Variants in DGKA observed in about 807,000 individuals in gnomAD.
DGKA encodes the protein 80 kDa diacylglycerol kinase.
A neutral mutation model predicts 105.0 loss-of-function variants in DGKA; 35 were observed. That is an observed-to-expected ratio of 0.33 (90% confidence interval 0.25 to 0.44). The LOEUF (loss-of-function observed/expected upper bound fraction) is 0.44. Among genes scored for constraint, DGKA ranks in the 20% least tolerant of loss-of-function variants. The pLI is 1.00. For synonymous variants in DGKA, 296 were observed against 332.0 expected (o/e 0.89, Z 1.18); for missense variants, 665 against 915.0 (o/e 0.73, Z 3.53).
chr12:55,938,283 G>A (rs1185108789), intron 5 of DGKA: 2 of 681,804 alleles, frequency 2.9e-6, no homozygotes, highest in Admixed American at 5.7e-5. Flanking sequence ...AGGCGGCCTA[G>A]GATGTCCTTG....
chr12:55,927,916 G>C, upstream of DGKA: 1 of 920,656 alleles, frequency 1.1e-6, no homozygotes, highest in Non-Finnish European at 1.6e-6. Context: ...CTGGGCCCTA[G>C]GGTCAGAGGG....
upstream of DGKA, among the ~76,000 whole-genome samples, chr12:55,928,837 A>G (rs982266199): frequency 6.6e-6 from 1 of 151,740 alleles, no homozygotes; most frequent in African/African-American, 2.4e-5. Context: ...CCAATTCAGA[A>G]TGTCTGGGGG....
intron 14 of DGKA, 69 bp from the exon 15 acceptor site, chr12:55,941,441 A>C: frequency 6.3e-7 from 1 of 1,587,098 alleles, no homozygotes; most frequent in Non-Finnish European, 8.6e-7. Context: ...ACACACAAAG[A>C]GGGTGAGGTT....
intron 5 of DGKA, 65 bp downstream of exon 5, chr12:55,938,117 C>T (rs1885142673): frequency 7.1e-7 from 1 of 1,413,750 alleles, no homozygotes; most frequent in Non-Finnish European, 9.9e-7. Flanking sequence ...TTCCCATCCT[C>T]CTTTCCCTTA....
rs1431984281 is a variant in DGKA at position 55,931,264 on chromosome 12, C to T, written c.-162C>T. The T allele has an allele frequency of 1.3e-5, 2 of 152,136 alleles. No individual in the cohort carries two copies. The highest frequency in any genetic ancestry group is 2.9e-5 in the Non-Finnish European group (2 of 68,060). The allele number at this position is 152,136 out of a possible 1,614,324, so 9.4% of individuals were successfully genotyped here. A position where few individuals can be genotyped will look rare whatever the true frequency, so the allele number is the denominator to read the frequency against. On this transcript the variant is annotated 5_prime_UTR_variant, in exon 1 of 24. Coordinates refer to ENST00000331886, the MANE Select transcript of DGKA (RefSeq NM_001345.5). The stretch of plus-strand genomic sequence containing the variant: ...AGAGCCTTAATGACTCTAGAAGAGA[C>T]TCCAGGCAGGGGAAGCTGAAAGGAC...
intron 7 of DGKA, 26 bp downstream of exon 7, chr12:55,939,015 CT>C: frequency 6.2e-7 from 1 of 1,613,850 alleles, no homozygotes; most frequent in Non-Finnish European, 8.5e-7. Context: ...CTTCATGTCC[CT>C]TCTTGTACCT....
At chr12:55,950,036 G>C (rs545126388) in intron 17 of DGKA, among the ~76,000 whole-genome samples, 1 of 151,360 alleles carries the variant, frequency 6.6e-6, no homozygotes, top group African/African-American at 2.4e-5. Context: ...GTGCAGTGGC[G>C]CAATCTCAGC....
rs769769812 is a variant in DGKA, at chr12:55,951,731, A to C, written c.1535A>C (p.Lys512Thr). 1.9e-5 allele frequency: 31 copies of C among 1,614,060 alleles called. No individual in the cohort carries two copies. Among genetic ancestry groups the C allele is most frequent in the Non-Finnish European group, 2.6e-5 (31 of 1,180,016 alleles). Residue 512 changes from lysine to threonine, a missense_variant, in exon 18 of 24, where the codon AAA becomes ACA. Physicochemically the swap from Lys to Thr is moderately conservative, Grantham distance 78 (BLOSUM62 -1). Transcript: ENST00000331886. ...VEVIPQQTEE[K>T]SDPVPFQIIN... ...GTGATACCTCAACAAACTGAAGAAA[A>C]AAGTGACCCAGTCCCCTTTCAAATC... is the stretch of plus-strand genomic sequence containing the variant.
chr12:55,936,422 G>T lies in DGKA; in HGVS notation c.-81-1G>T. 1 of 1,559,794 alleles carries T rather than the reference G, an allele frequency of 6.4e-7. No homozygotes were observed. Among genetic ancestry groups the T allele is most frequent in the Non-Finnish European group, 8.7e-7 (1 of 1,151,852 alleles). On this transcript the variant is annotated splice_acceptor_variant, in intron 1 of 23. Transcript: ENST00000331886. LOFTEE classifies it low-confidence loss of function (5UTR_SPLICE). The stretch of plus-strand genomic sequence containing the variant: ...CTGTACGCTCTGTCACCTTTCCCCA[G>T]GCCTACCCTCTGAAGAGGTCCAAGC...
In DGKA at chr12:55,952,416, G is replaced by C. The variant is rs1200165373; in HGVS notation, c.1728G>C (p.Glu576Asp). ...SIFSTCKKLE[E>D]SLTVEICGKP... ...TCTCAACATGCAAAAAGCTGGAGGA[G>C]TCTTTGACAGTTGAGGTGTGTGTAA... is the stretch of plus-strand genomic sequence containing the variant. Residue 576 changes from glutamate (E) to aspartate (D), a missense_variant, in exon 20 of 24, where the codon GAG becomes GAC. Physicochemically the swap from Glu to Asp is conservative, Grantham distance 45. Transcript: ENST00000331886. This position sits in a 1 kb window ranked among gnomAD's most constrained non-coding sequence, Gnocchi z 5.1. 1.9e-6 allele frequency: 3 copies of C among 1,614,016 alleles called. No individual in the cohort carries two copies. The African/African-American group carries it at 4.0e-5, about 22-fold the overall frequency.
At position 55,932,369 on chromosome 12, in the gene DGKA, G is replaced by A. The variant is rs1000276219; in HGVS notation, c.-82+1025G>A. The A allele has an allele frequency of 1.7e-6, 1 of 595,998 alleles. No individual in the cohort carries two copies. Among genetic ancestry groups the A allele is most frequent in the Non-Finnish European group, 3.0e-6 (1 of 331,758 alleles). The allele number at this position is 595,998 out of a possible 1,614,324, so 36.9% of individuals were successfully genotyped here. On this transcript the variant is annotated intron_variant, in intron 1 of 23. Transcript: ENST00000331886. This position sits in a 1 kb window ranked among gnomAD's most constrained non-coding sequence, Gnocchi z 4.3. Reference sequence around the variant, plus strand: ...TCCATCCCTCCCGCTCATTCGGAGGGATGGTGAAGCCCGGTTCCTGGGACC... The same window carrying A: ...TCCATCCCTCCCGCTCATTCGGAGGAATGGTGAAGCCCGGTTCCTGGGACC...
In DGKA at chr12:55,938,007, T is replaced by C. The variant is rs979054726; in HGVS notation, c.304T>C (p.Tyr102His). The C allele has an allele frequency of 3.1e-6, 5 of 1,614,242 alleles. No individual in the cohort carries two copies. The highest frequency in any genetic ancestry group is 4.2e-6 in the Non-Finnish European group (5 of 1,180,042). ...GGTGTGTCTCAATGATGTTTCCTGC[T>C]ACTTTTCCCTTCTGGAGGGTGGTCG... ...DVVCLNDVSC[Y>H]FSLLEGGRPE... Residue 102 changes from tyrosine (Y) to histidine (H), a missense_variant, in exon 5 of 24, where the codon TAC (tyrosine) becomes CAC (histidine). Physicochemically the swap from Tyr to His is moderately conservative, Grantham distance 83. Coordinates refer to ENST00000331886, the MANE Select transcript of DGKA (RefSeq NM_001345.5).
chr12:55,936,103 T>C (rs1565732239), intron 1 of DGKA: 1 of 907,506 alleles, frequency 1.1e-6, no homozygotes, highest in Non-Finnish European at 1.4e-6. Context: ...CAGAAACATA[T>C]ATAGACTGAG....
rs1399144906 is a variant in DGKA, at chr12:55,953,977, C to G, written c.*209C>G. The G allele has an allele frequency of 4.7e-6, 3 of 633,800 alleles. No individual in the cohort carries two copies. The highest frequency in any genetic ancestry group is 8.1e-6 in the Non-Finnish European group (3 of 370,342). 39.3% of individuals were successfully genotyped at this position (633,800 alleles called of 1,614,324 possible). A position where few individuals can be genotyped will look rare whatever the true frequency, so the allele number is the denominator to read the frequency against. On this transcript the variant is annotated 3_prime_UTR_variant, in exon 24 of 24. Coordinates refer to ENST00000331886, the MANE Select transcript of DGKA (RefSeq NM_001345.5). Reference sequence around the variant, plus strand: ...CCCCAAAACACATACATTGAAAGTGCCTCATCTGAATAAAATGACTTGTGT... The same window carrying G: ...CCCCAAAACACATACATTGAAAGTGGCTCATCTGAATAAAATGACTTGTGT...
chr12:55,949,221 G>A lies in DGKA; in HGVS notation c.1427-2402G>A, dbSNP rs972031023. Among the ~76,000 whole-genome samples the A allele has an allele frequency of 9.3e-5, 14 of 149,812 alleles. No homozygotes were observed. In the East Asian group the frequency reaches 9.8e-4, roughly 10 times the overall value. ...ACAGACATTTTTTTTTTTTTGAGAC[G>A]GAGTCTCACTCTGTCACCCAGGCTG... On this transcript the variant is annotated intron_variant, in intron 17 of 23. Transcript: ENST00000331886.
chr12:55,949,958 A>C (rs905262679), intron 17 of DGKA, among the ~76,000 whole-genome samples: 3 of 150,694 alleles, frequency 2.0e-5, no homozygotes, highest in Non-Finnish European at 4.4e-5. Context: ...CTACAGTCAC[A>C]TGCCACCACA....
chr12:55,953,381 G>A lies in DGKA; in HGVS notation c.2095G>A (p.Gly699Arg), dbSNP rs1888552028. ...AAAAACCCTTCCCATGCAAATTGAC[G>A]GAGAACCCTGGATGCAGACGCCCTG... Reference protein sequence around the residue: ...TTKTLPMQIDGEPWMQTPCTI... With the variant: ...TTKTLPMQIDREPWMQTPCTI... The change falls in exon 23 of 24, where the codon GGA (glycine) becomes AGA (arginine). Residue 699 changes from glycine to arginine, a missense_variant. Gly to Arg is a moderately radical substitution (Grantham distance 125). Transcript: ENST00000331886. 3 of 1,614,034 alleles carry A rather than the reference G, an allele frequency of 1.9e-6. No homozygotes were observed. The highest frequency in any genetic ancestry group is 1.7e-6 in the Non-Finnish European group (2 of 1,179,980).
chr12:55,937,155 C>T, intron 3 of DGKA, 65 bp downstream of exon 3: 1 of 1,564,292 alleles, frequency 6.4e-7, no homozygotes, highest in Admixed American at 1.7e-5. Context: ...TGATCCCCAA[C>T]TTCCAGGAAT....
intron 8 of DGKA, 28 bp downstream of exon 8, chr12:55,939,333 G>A (rs1402114629): frequency 1.9e-6 from 3 of 1,612,992 alleles, no homozygotes; most frequent in Non-Finnish European, 2.5e-6. Context: ...TGGGGGATGA[G>A]TAAGACAGCC....
Sources: gnomAD v4.1 joint callset for allele counts (sites outside exome capture counted in the v4.1 genomes callset) on GRCh38, gnomAD v4.1.1 for gene constraint, Gnocchi (gnomAD v3.1) non-coding constraint, MANE v1.5 for transcripts, NCBI Gene and HGNC (gene_info 2026-07-23, HGNC 2026-07-21) for gene names.